Variants in RANBP2 observed in about 807,000 individuals in gnomAD.
The protein encoded by RANBP2 is RAN binding protein 2.
A neutral mutation model predicts 303.6 loss-of-function variants in RANBP2; 57 were observed. That is an observed-to-expected ratio of 0.19 (90% CI 0.15 to 0.23). RANBP2 has a LOEUF of 0.23. Ranked by LOEUF, RANBP2 falls within the 10% of genes least tolerant of loss-of-function variation. The probability of loss-of-function intolerance (pLI) is 1.00; values close to 1 mark genes in which losing one functional copy is unlikely to be tolerated. For synonymous variants in RANBP2, 1,167 were observed against 1,301.5 expected (o/e 0.90, Z 2.23); for missense variants, 3,138 against 3,780.8 (o/e 0.83, Z 4.46).
At chr2:108,749,457 C>T (rs181903141) in intron 9 of RANBP2, among the ~76,000 whole-genome samples, 195 of 152,130 alleles carry the variant, frequency 1.3e-3, no homozygotes, top group African/African-American at 4.4e-3. Context: ...CCATCACGCC[C>T]GGCTAATTTT....
the RANBP2 span, among the ~76,000 whole-genome samples, chr2:109,335,310 C>T: frequency 6.6e-6 from 1 of 152,218 alleles, no homozygotes; most frequent in East Asian, 1.9e-4. Context: ...TCTTTATCCT[C>T]TCCCTATGCC....
chr2:109,261,424 T>C, the RANBP2 span, among the ~76,000 whole-genome samples: 1 of 152,234 alleles, frequency 6.6e-6, no homozygotes, highest in South Asian at 2.1e-4. Context: ...GTGCAGTCTG[T>C]GGAGCTGGAC....
At chr2:109,299,640 G>C in the RANBP2 span, among the ~76,000 whole-genome samples, 1 of 152,100 alleles carries the variant, frequency 6.6e-6, no homozygotes, top group African/African-American at 2.4e-5. Flanking sequence ...GAATTGTAAG[G>C]CCCTTCCTTT....
At chr2:109,620,858 A>G in the RANBP2 span, among the ~76,000 whole-genome samples, 30 of 152,330 alleles carry the variant, frequency 2.0e-4, no homozygotes, top group African/African-American at 7.2e-4. Context: ...TGAATAGGGA[A>G]ATGAAGTTTA....
chr2:108,744,577 G>A (rs1035578945), intron 7 of RANBP2, among the ~76,000 whole-genome samples: 13 of 152,116 alleles, frequency 8.5e-5, no homozygotes, highest in African/African-American at 2.9e-4. Flanking sequence ...TTCTTATTTT[G>A]TGTGCTCTTT....
At chr2:108,987,649 C>A in the RANBP2 span, among the ~76,000 whole-genome samples, 1 of 152,210 alleles carries the variant, frequency 6.6e-6, no homozygotes, top group Non-Finnish European at 1.5e-5. Context: ...ACTGTGCTGT[C>A]ACAAATTAAT....
At chr2:108,733,212 C>T (rs1432614697) in intron 4 of RANBP2, among the ~76,000 whole-genome samples, 1 of 147,716 alleles carries the variant, frequency 6.8e-6, no homozygotes, top group Non-Finnish European at 1.5e-5. Flanking sequence ...TAGTTGGTTC[C>T]TTTACTTCTG....
the RANBP2 span, among the ~76,000 whole-genome samples, chr2:109,401,028 G>T: frequency 6.6e-6 from 1 of 152,232 alleles, no homozygotes; most frequent in Admixed American, 6.5e-5. Context: ...GACCAGTGTG[G>T]CTGTGCTCCC....
At chr2:108,758,863 C>G (rs1676519557) in intron 18 of RANBP2, among the ~76,000 whole-genome samples, 1 of 151,640 alleles carries the variant, frequency 6.6e-6, no homozygotes, top group African/African-American at 2.4e-5. Context: ...CTAAGAAATG[C>G]TTAATTAAGA....
At chr2:108,857,005 A>G in the RANBP2 span, 10 of 1,249,632 alleles carry the variant, frequency 8.0e-6, no homozygotes, top group Non-Finnish European at 1.1e-5. Flanking sequence ...TAAAGAAAGC[A>G]GGATGATTTT....
chr2:109,246,018 A>G, the RANBP2 span, among the ~76,000 whole-genome samples: 3 of 152,246 alleles, frequency 2.0e-5, no homozygotes, highest in African/African-American at 2.4e-5. Context: ...AAAAAAGAGC[A>G]TGGATTTTTG....
At chr2:109,406,863 AG>A in the RANBP2 span, among the ~76,000 whole-genome samples, 1 of 151,428 alleles carries the variant, frequency 6.6e-6, no homozygotes, top group African/African-American at 2.4e-5. Flanking sequence ...CCAATCTTAC[AG>A]CCCCGCCCTG....
chr2:109,372,922 C>T, the RANBP2 span, among the ~76,000 whole-genome samples: 1 of 152,336 alleles, frequency 6.6e-6, no homozygotes, highest in East Asian at 1.9e-4. Flanking sequence ...GTCAATTCCC[C>T]GTTGCCTGCA....
chr2:109,158,937 G>A, the RANBP2 span, among the ~76,000 whole-genome samples: 5 of 152,158 alleles, frequency 3.3e-5, no homozygotes, highest in African/African-American at 1.2e-4. Context: ...CAAACATGGT[G>A]AAACCCTGTT....
At chr2:109,155,686 C>T in the RANBP2 span, among the ~76,000 whole-genome samples, 1 of 152,156 alleles carries the variant, frequency 6.6e-6, no homozygotes, top group South Asian at 2.1e-4. Flanking sequence ...TGAATTGTAA[C>T]ACTGTTCCCA....
chr2:109,537,155 T>A, the RANBP2 span, among the ~76,000 whole-genome samples: 1 of 152,242 alleles, frequency 6.6e-6, no homozygotes, highest in Non-Finnish European at 1.5e-5. Context: ...TATTTCACCA[T>A]TAAGTATGAT....
the RANBP2 span, chr2:109,490,825 C>G: frequency 1.3e-6 from 2 of 1,536,886 alleles, no homozygotes; most frequent in Admixed American, 2.0e-5. Flanking sequence ...GGGATGGAGC[C>G]TCTGCACAGG....
the RANBP2 span, among the ~76,000 whole-genome samples, chr2:109,628,947 T>C: frequency 1.3e-5 from 2 of 152,084 alleles, no homozygotes; most frequent in Non-Finnish European, 2.9e-5. Context: ...CTCACGCCTG[T>C]AATCCCAGCA....
the RANBP2 span, among the ~76,000 whole-genome samples, chr2:109,572,452 T>G: frequency 6.6e-6 from 1 of 151,760 alleles, no homozygotes; most frequent in African/African-American, 2.4e-5. Context: ...ATTTTATATA[T>G]GAAAAATTGA....
Sources: gnomAD v4.1 joint callset for allele counts (sites outside exome capture counted in the v4.1 genomes callset) on GRCh38, gnomAD v4.1.1 for gene constraint, MANE v1.5 for transcripts, NCBI Gene and HGNC (gene_info 2026-07-23, HGNC 2026-07-21) for gene names.